Variants in ARID1B observed in about 807,000 individuals in gnomAD.
The protein encoded by ARID1B is AT-rich interaction domain 1B, also known as AT-rich interactive domain-containing protein 1B.
A neutral mutation model predicts 212.3 loss-of-function variants in ARID1B; 30 were observed. That is an observed-to-expected ratio of 0.14 (90% CI 0.11 to 0.19). ARID1B has a LOEUF of 0.19. Among genes scored for constraint, ARID1B ranks in the 10% least tolerant of loss-of-function variants. ARID1B has a pLI of 1.00. For missense variants in ARID1B, 2,891 were observed against 3,204.0 expected (o/e 0.90, Z 2.36); for synonymous variants, 1,402 against 1,301.7 (o/e 1.08, Z -1.66).
intron 4 of ARID1B, among the ~76,000 whole-genome samples, chr6:156,999,821 C>A (rs940308050): frequency 1.3e-5 from 2 of 152,248 alleles, no homozygotes; most frequent in Admixed American, 6.5e-5. Flanking sequence ...GCGTGAGCCA[C>A]CATGCCCGGC....
chr6:156,900,053 A>T (rs926092646), intron 2 of ARID1B, among the ~76,000 whole-genome samples: 2 of 152,212 alleles, frequency 1.3e-5, no homozygotes, highest in Non-Finnish European at 2.9e-5. Flanking sequence ...TATGGCAGGG[A>T]CATAACATTC....
chr6:157,059,743 T>C (rs989910605), intron 4 of ARID1B, among the ~76,000 whole-genome samples: 5 of 152,194 alleles, frequency 3.3e-5, no homozygotes, highest in Non-Finnish European at 7.3e-5. Flanking sequence ...CTGCCTGGCC[T>C]GGGAAACATT....
intron 4 of ARID1B, among the ~76,000 whole-genome samples, chr6:157,028,133 A>T (rs1200729078): frequency 6.6e-6 from 1 of 152,118 alleles, no homozygotes; most frequent in Non-Finnish European, 1.5e-5. Flanking sequence ...TTGAATTATG[A>T]CCAAATTATA....
intron 1 of ARID1B, among the ~76,000 whole-genome samples, chr6:156,781,883 AT>A (rs1779294689): frequency 7.8e-6 from 1 of 128,970 alleles, no homozygotes; most frequent in Non-Finnish European, 1.6e-5. Context: ...ACTTTAGAGT[AT>A]TTTTTTCTTA....
At chr6:156,939,686 C>T (rs1792521604) in intron 4 of ARID1B, 1 of 152,068 alleles carries the variant, frequency 6.6e-6, no homozygotes, top group Admixed American at 6.5e-5. Flanking sequence ...TCTGCATCGC[C>T]AGGTGGGTGT....
chr6:157,199,433 C>T (rs889729285), intron 17 of ARID1B, among the ~76,000 whole-genome samples: 3 of 152,006 alleles, frequency 2.0e-5, no homozygotes, highest in East Asian at 1.9e-4. Flanking sequence ...TGCTAAGTTA[C>T]GCAGGATCTC....
In ARID1B at chr6:157,084,361, G is replaced by T. The variant is rs12209122; in HGVS notation, c.2248-301G>T. Among the ~76,000 whole-genome samples, 20,896 of 152,050 alleles carry T rather than the reference G, an allele frequency of 0.14. 1,664 individuals are homozygous for T. Among genetic ancestry groups the T allele is most frequent in the Non-Finnish European group, 0.18 (12,488 of 67,942 alleles). On this transcript the variant is annotated intron_variant, in intron 4 of 19. Transcript: ENST00000636930. Reference sequence around the variant, plus strand: ...GGCAGAGTGCTGTCTGTGTTGTGTGGCATTTTGAACAGGTCTAATGGACTC... The same window carrying T: ...GGCAGAGTGCTGTCTGTGTTGTGTGTCATTTTGAACAGGTCTAATGGACTC...
At chr6:156,923,194 C>A (rs1186768817) in intron 3 of ARID1B, among the ~76,000 whole-genome samples, 2 of 152,114 alleles carry the variant, frequency 1.3e-5, no homozygotes, top group Non-Finnish European at 2.9e-5. Flanking sequence ...AGCAAAATGC[C>A]CTATTACAGA....
intron 2 of ARID1B, among the ~76,000 whole-genome samples, chr6:156,881,820 A>G (rs1395883447): frequency 1.3e-5 from 2 of 152,176 alleles, no homozygotes; most frequent in African/African-American, 4.8e-5. Context: ...AATAAGGCGA[A>G]GATGTGTTCT....
intron 1 of ARID1B, among the ~76,000 whole-genome samples, chr6:156,799,299 C>T (rs116683247): frequency 1.1e-4 from 16 of 152,306 alleles, no homozygotes; most frequent in South Asian, 6.2e-4. Context: ...ACACATCTAG[C>T]GAGTGGCACA....
At chr6:157,104,669 G>T (rs777162649) in intron 5 of ARID1B, among the ~76,000 whole-genome samples, 17 of 152,158 alleles carry the variant, frequency 1.1e-4, no homozygotes, top group Non-Finnish European at 2.5e-4. Context: ...GGAAGACTAC[G>T]TGCTTAGGAA....
At chr6:156,951,089 A>T (rs1054810260) in intron 4 of ARID1B, among the ~76,000 whole-genome samples, 1 of 152,216 alleles carries the variant, frequency 6.6e-6, no homozygotes, top group African/African-American at 2.4e-5. Flanking sequence ...GTATCCCTGA[A>T]AATTATAAAT....
intron 2 of ARID1B, among the ~76,000 whole-genome samples, chr6:156,838,649 G>A (rs1454664256): frequency 6.6e-6 from 1 of 151,500 alleles, no homozygotes; most frequent in African/African-American, 2.4e-5. Context: ...AACCAACATG[G>A]CACATGTATA....
intron 8 of ARID1B, among the ~76,000 whole-genome samples, chr6:157,158,249 A>G (rs544859222): frequency 6.6e-6 from 1 of 152,342 alleles, no homozygotes; most frequent in African/African-American, 2.4e-5. Flanking sequence ...TAACTGAACA[A>G]TGTTTGGCTT....
At chr6:156,941,214 T>C (rs953098594) in intron 4 of ARID1B, 16 of 152,222 alleles carry the variant, frequency 1.1e-4, no homozygotes. Context: ...TGTTGAGTTT[T>C]AGAGTTTCAG....
Position 156,778,115 on chromosome 6 carries a change from G to A in ARID1B, c.435G>A (p.Gly145=). 1.3e-6 allele frequency: 2 copies of A among 1,540,820 alleles called. No homozygotes were observed. The highest frequency in any genetic ancestry group is 2.5e-5 in the East Asian group (1 of 40,736). ...GCCCGGGCTCGGCCATGGAGACGGG[G>A]CTGCTCCCCAACCACAAACTGAAAA... is the stretch of plus-strand genomic sequence containing the variant. ...SSGPGSAMET[G]LLPNHKLKTV... is the part of the protein sequence containing the mutation. Residue 145 remains glycine, a synonymous_variant, in exon 1 of 20, where the codon GGG becomes GGA. Coordinates refer to ENST00000636930, the MANE Select transcript of ARID1B (RefSeq NM_001374828.1).
intron 4 of ARID1B, among the ~76,000 whole-genome samples, chr6:157,065,172 A>C (rs911306651): frequency 6.6e-6 from 1 of 152,264 alleles, no homozygotes; most frequent in Non-Finnish European, 1.5e-5. Flanking sequence ...AGTCAAAGTC[A>C]TGAAGAATAT....
chr6:157,022,522 G>A (rs373367605), intron 4 of ARID1B: 2 of 152,232 alleles, frequency 1.3e-5, no homozygotes. Context: ...TCACTTGCAG[G>A]TGTTTTAGGT....
At chr6:157,013,935 T>C (rs1779761203) in intron 4 of ARID1B, among the ~76,000 whole-genome samples, 1 of 152,228 alleles carries the variant, frequency 6.6e-6, no homozygotes, top group African/African-American at 2.4e-5. Context: ...TGTACATTGC[T>C]AATGCACACA....
Sources: gnomAD v4.1 joint callset for allele counts (sites outside exome capture counted in the v4.1 genomes callset) on GRCh38, gnomAD v4.1.1 for gene constraint, MANE v1.5 for transcripts, NCBI Gene and HGNC (gene_info 2026-07-23, HGNC 2026-07-21) for gene names.